The following SH3PXD2A variants were observed in gnomAD, a reference collection of about 807,000 sequenced individuals.
The protein encoded by SH3PXD2A is SH3 and PX domain-containing protein 2A.
Under a neutral mutation model 115.2 loss-of-function variants are expected in SH3PXD2A, and 32 were observed. The observed-to-expected ratio is 0.28, with a 90% CI of 0.21 to 0.37. SH3PXD2A has a LOEUF of 0.37. SH3PXD2A is among the 10% of genes least tolerant of loss of function. The pLI is 1.00. For synonymous variants in SH3PXD2A, 610 were observed against 629.1 expected (o/e 0.97, Z 0.45); for missense variants, 1,328 against 1,498.7 (o/e 0.89, Z 1.88).
At chr10:103,713,261 T>C (rs534867764) in intron 5 of SH3PXD2A, among the ~76,000 whole-genome samples, 77 of 152,308 alleles carry the variant, frequency 5.1e-4, no homozygotes, top group African/African-American at 1.8e-3. Flanking sequence ...ACTATGTCTA[T>C]GAATATCTCC....
intron 1 of SH3PXD2A, among the ~76,000 whole-genome samples, chr10:103,844,501 A>G (rs991839281): frequency 6.6e-6 from 1 of 152,234 alleles, no homozygotes; most frequent in Non-Finnish European, 1.5e-5. Flanking sequence ...GTCACTTCAA[A>G]GGACAGGGAC....
intron 9 of SH3PXD2A, among the ~76,000 whole-genome samples, chr10:103,624,086 GA>G (rs2036652007): frequency 6.6e-6 from 1 of 152,250 alleles, no homozygotes; most frequent in South Asian, 2.1e-4. Context: ...GGCAGCATGT[GA>G]ATCCAGGCAG....
intron 5 of SH3PXD2A, among the ~76,000 whole-genome samples, chr10:103,709,332 G>A (rs1213876930): frequency 6.6e-6 from 1 of 152,166 alleles, no homozygotes; most frequent in Non-Finnish European, 1.5e-5. Context: ...TCTGACCTCA[G>A]GCAACCATTT....
intron 5 of SH3PXD2A, among the ~76,000 whole-genome samples, chr10:103,706,393 G>A (rs1174501374): frequency 2.0e-5 from 3 of 152,214 alleles, no homozygotes; most frequent in Non-Finnish European, 4.4e-5. Flanking sequence ...TGGGGGCAGT[G>A]ATGCCGGACC....
intron 8 of SH3PXD2A, among the ~76,000 whole-genome samples, chr10:103,643,229 G>C (rs1233099446): frequency 6.6e-6 from 1 of 152,078 alleles, no homozygotes; most frequent in African/African-American, 2.4e-5. Flanking sequence ...GGGAGCCACT[G>C]GTGTCACCCT....
Position 103,815,686 on chromosome 10 carries a change from C to T in SH3PXD2A, c.73-14324G>A, listed in dbSNP as rs534473405. Among the ~76,000 whole-genome samples the T allele has an allele frequency of 3.1e-3, 466 of 151,322 alleles. 1 individual carries two copies. The highest frequency in any genetic ancestry group is 4.7e-3 in the Non-Finnish European group (318 of 67,856). Reference sequence around the variant, plus strand: ...CAGGCGGATCACGGAGTCAGGAGTTCGAGACCAGCCTGACCAACATGGTGA... The same window carrying T: ...CAGGCGGATCACGGAGTCAGGAGTTTGAGACCAGCCTGACCAACATGGTGA... On this transcript the variant is annotated intron_variant, in intron 1 of 14. Coordinates refer to ENST00000369774, the MANE Select transcript of SH3PXD2A (RefSeq NM_001394015.1).
chr10:103,650,316 C>G (rs1251423673), intron 8 of SH3PXD2A, among the ~76,000 whole-genome samples: 1 of 152,238 alleles, frequency 6.6e-6, no homozygotes, highest in Non-Finnish European at 1.5e-5. Flanking sequence ...ACAGATGTGC[C>G]ACAGCCCTGC....
At chr10:103,735,133 C>T (rs557807077) in intron 4 of SH3PXD2A, among the ~76,000 whole-genome samples, 134 of 152,380 alleles carry the variant, frequency 8.8e-4, no homozygotes, top group African/African-American at 3.1e-3. Flanking sequence ...TGCAGCAGCG[C>T]TGGGCTCTAA....
chr10:103,642,003 C>T (rs528652653), intron 8 of SH3PXD2A, among the ~76,000 whole-genome samples: 6 of 152,262 alleles, frequency 3.9e-5, no homozygotes, highest in South Asian at 4.1e-4. Context: ...AGTGGGGTTA[C>T]GTTCCGATAA....
intron 5 of SH3PXD2A, among the ~76,000 whole-genome samples, chr10:103,701,179 C>T (rs867247420): frequency 5.4e-5 from 5 of 92,342 alleles, no homozygotes; most frequent in African/African-American, 1.9e-4. Flanking sequence ...CATCCATCCA[C>T]CATCCATCCA....
intron 5 of SH3PXD2A, among the ~76,000 whole-genome samples, chr10:103,696,595 C>T (rs1356314631): frequency 6.6e-6 from 1 of 152,208 alleles, no homozygotes; most frequent in Non-Finnish European, 1.5e-5. Context: ...GGTGACTCCA[C>T]TCCTGGTAGG....
intron 9 of SH3PXD2A, among the ~76,000 whole-genome samples, 171 bp downstream of exon 9, chr10:103,626,918 T>A (rs2036706209): frequency 1.3e-5 from 2 of 152,094 alleles, no homozygotes; most frequent in South Asian, 4.1e-4. Flanking sequence ...GGGGTCGGAC[T>A]GGGGTGGGAG....
intron 4 of SH3PXD2A, among the ~76,000 whole-genome samples, chr10:103,726,285 G>A (rs541422031): frequency 6.6e-6 from 1 of 152,316 alleles, no homozygotes; most frequent in South Asian, 2.1e-4. Context: ...CAGATGCAAG[G>A]CCTAGATCCA....
At chr10:103,655,199 G>T (rs2037192286) in intron 8 of SH3PXD2A, among the ~76,000 whole-genome samples, 1 of 152,176 alleles carries the variant, frequency 6.6e-6, no homozygotes, top group African/African-American at 2.4e-5. Flanking sequence ...GACCTCGTGG[G>T]GCCAGGCACC....
intron 1 of SH3PXD2A, among the ~76,000 whole-genome samples, chr10:103,854,488 G>C (rs887653243): frequency 2.0e-5 from 3 of 152,154 alleles, no homozygotes; most frequent in Non-Finnish European, 4.4e-5. Flanking sequence ...GGGGAGGAAG[G>C]GGGAGGGGCG....
At position 103,602,817 on chromosome 10, in the gene SH3PXD2A, C is replaced by T; in HGVS notation, c.2401G>A (p.Glu801Lys). The T allele has an allele frequency of 3.1e-6, 5 of 1,614,178 alleles. No individual in the cohort carries two copies. Among genetic ancestry groups the T allele is most frequent in the Non-Finnish European group, 4.2e-6 (5 of 1,180,030 alleles). ...TCGGAGGCCGTCTGCGGGGGCAGCTCCGAATCCTCACTCTTGGAGCCCTTG... is the reference window on the plus strand; with the variant it reads ...TCGGAGGCCGTCTGCGGGGGCAGCTTCGAATCCTCACTCTTGGAGCCCTTG... ...GLKGSKSEDS[E>K]LPPQTASEAP... Residue 801 changes from glutamate to lysine, a missense_variant, in exon 15 of 15, where the codon GAG becomes AAG. By Grantham distance (56) the Glu-to-Lys change is moderately conservative (BLOSUM62 1). Coordinates refer to ENST00000369774, the MANE Select transcript of SH3PXD2A (RefSeq NM_001394015.1).
chr10:103,773,469 T>C (rs1214494929), intron 2 of SH3PXD2A, among the ~76,000 whole-genome samples: 1 of 150,686 alleles, frequency 6.6e-6, no homozygotes, highest in Non-Finnish European at 1.5e-5. Context: ...AGACGGAGTC[T>C]CGCTCTGTTG....
intron 3 of SH3PXD2A, chr10:103,747,111 G>C (rs1200806047): frequency 6.6e-6 from 1 of 152,434 alleles, no homozygotes. Flanking sequence ...GTGAGTGTGA[G>C]TGTGTGTTCA....
chr10:103,630,900 C>T (rs909779035), intron 8 of SH3PXD2A, among the ~76,000 whole-genome samples: 5 of 152,150 alleles, frequency 3.3e-5, no homozygotes, highest in African/African-American at 1.2e-4. Context: ...CTTCCTGCAC[C>T]GTTTACCTTA....
Sources: gnomAD v4.1 joint callset for allele counts (sites outside exome capture counted in the v4.1 genomes callset) on GRCh38, gnomAD v4.1.1 for gene constraint, MANE v1.5 for transcripts, NCBI Gene and HGNC (gene_info 2026-07-23, HGNC 2026-07-21) for gene names.